The following TREML2 variants were observed in gnomAD, a reference collection of about 807,000 sequenced individuals.
TREML2 encodes the protein trem-like transcript 2 protein.
A neutral mutation model predicts 25.9 loss-of-function variants in TREML2; 24 were observed. That is an observed-to-expected ratio of 0.93 (90% confidence interval 0.67 to 1.30). The LOEUF (loss-of-function observed/expected upper bound fraction) is 1.30. Ranked by LOEUF, TREML2 falls within the 50% of genes most tolerant of loss-of-function variation. The probability of loss-of-function intolerance (pLI) is 0.00; values close to 1 mark genes in which losing one functional copy is unlikely to be tolerated. For missense variants in TREML2, 359 were observed against 395.6 expected, an observed-to-expected ratio of 0.91 and a Z score of 0.78; for synonymous variants, 139 against 155.2, an observed-to-expected ratio of 0.90 and a Z score of 0.77.
In TREML2 at chr6:41,198,810, AC is replaced by A. The variant is rs1766224701; in HGVS notation, c.56-382del. ...TATTTTCTAGTCTGATGGGAAAGTGACAAGCTCTGTCTTCAGGGATTCCCAG... is the reference window on the plus strand; with the variant it reads ...TATTTTCTAGTCTGATGGGAAAGTGAAAGCTCTGTCTTCAGGGATTCCCAG... On this transcript the variant is annotated intron_variant, in intron 1 of 4. Transcript: ENST00000483722. Among the ~76,000 whole-genome samples the A allele has an allele frequency of 3.3e-5, 5 of 152,306 alleles. 1 individual carries two copies. The South Asian group carries it at 8.3e-4, about 25-fold the overall frequency.
intron 1 of TREML2, among the ~76,000 whole-genome samples, chr6:41,199,407 C>T (rs1180188870): frequency 6.6e-6 from 1 of 152,216 alleles, no homozygotes; most frequent in Non-Finnish European, 1.5e-5. Flanking sequence ...ATTCTAGTTA[C>T]ATAAAACCCA....
chr6:41,198,447 A>T lies in TREML2; in HGVS notation c.56-18T>A. On this transcript the variant is annotated intron_variant, in intron 1 of 4. Coordinates refer to ENST00000483722, the MANE Select transcript of TREML2 (RefSeq NM_024807.4). ...AGAGGGGCCTGTGGAGACAATACTT[A>T]TTGAATAAGGTCTGGCAAGAGGAGA... 6.3e-7 allele frequency: 1 copy of T among 1,592,796 alleles called. No homozygotes were observed. Among genetic ancestry groups the T allele is most frequent in the Non-Finnish European group, 8.6e-7 (1 of 1,166,080 alleles).
At chr6:41,193,398 C>T (rs991104798) in intron 3 of TREML2, among the ~76,000 whole-genome samples, 2 of 152,132 alleles carry the variant, frequency 1.3e-5, no homozygotes, top group African/African-American at 4.8e-5. Context: ...CCACACACAG[C>T]AGGCAGCCCT....
At position 41,194,824 on chromosome 6, in the gene TREML2, G is replaced by C. The variant is rs61734887; in HGVS notation, c.386C>G (p.Thr129Ser). 64,593 of 1,560,786 alleles carry C rather than the reference G, an allele frequency of 0.041. 1,572 individuals carry two copies. Among genetic ancestry groups the C allele is most frequent in the South Asian group, 0.074 (6,149 of 83,430 alleles). ...ATGTGTGAAAGGAATGTTCCTCTCAGTTTGGGGAGCTGAAAGACAGAAAGG... is the reference window on the plus strand; with the variant it reads ...ATGTGTGAAAGGAATGTTCCTCTCACTTTGGGGAGCTGAAAGACAGAAAGG... ...FQLDVSPAPQ[T>S]ERNIPFTHLD... Residue 129 changes from threonine to serine, a missense_variant, in exon 3 of 5, where the codon ACT becomes AGT. Coordinates refer to ENST00000483722, the MANE Select transcript of TREML2 (RefSeq NM_024807.4).
At position 41,193,383 on chromosome 6, in the gene TREML2, C is replaced by G. The variant is rs190461397; in HGVS notation, c.786-482G>C. Among the ~76,000 whole-genome samples the G allele has an allele frequency of 1.1e-3, 161 of 152,252 alleles. 1 individual carries two copies. Among genetic ancestry groups the G allele is most frequent in the Middle Eastern group, 0.01 (3 of 294 alleles). On this transcript the variant is annotated intron_variant, in intron 3 of 4. Coordinates refer to ENST00000483722, the MANE Select transcript of TREML2 (RefSeq NM_024807.4). ...GCCTTTCTCTTGTCACTAGAGCCCTCTATGCCACACACAGCAGGCAGCCCT... is the reference window on the plus strand; with the variant it reads ...GCCTTTCTCTTGTCACTAGAGCCCTGTATGCCACACACAGCAGGCAGCCCT...
intron 2 of TREML2, among the ~76,000 whole-genome samples, chr6:41,197,214 G>A (rs866976840): frequency 5.3e-5 from 8 of 152,082 alleles, no homozygotes; most frequent in African/African-American, 1.2e-4. Flanking sequence ...CTCTCTACCC[G>A]TGTTCATACC....
intron 2 of TREML2, among the ~76,000 whole-genome samples, chr6:41,195,264 T>A (rs1766141577): frequency 6.6e-6 from 1 of 152,170 alleles, no homozygotes; most frequent in Non-Finnish European, 1.5e-5. Flanking sequence ...GGTCCTCAAA[T>A]TCCAAAGAAA....
At chr6:41,193,077 A>G (rs1186822633) in intron 3 of TREML2, among the ~76,000 whole-genome samples, 176 bp from the exon 4 acceptor site, 1 of 152,128 alleles carries the variant, frequency 6.6e-6, no homozygotes, top group Non-Finnish European at 1.5e-5. Context: ...AGTTAAGAGG[A>G]GGACGTCCCC....
At chr6:41,200,555 G>T (rs1766256050) in intron 1 of TREML2, among the ~76,000 whole-genome samples, 1 of 152,198 alleles carries the variant, frequency 6.6e-6, no homozygotes, top group South Asian at 2.1e-4. Flanking sequence ...ACAGGATGTG[G>T]CATCAGCATT....
intron 2 of TREML2, 28 bp from the exon 3 acceptor site, chr6:41,194,861 G>A: frequency 1.2e-5 from 18 of 1,538,734 alleles, no homozygotes; most frequent in Non-Finnish European, 1.5e-5. Context: ...AGGAACGTTA[G>A]ATTGACTTGG....
chr6:41,194,046 C>T (rs59727108), intron 3 of TREML2, among the ~76,000 whole-genome samples: 2,335 of 148,560 alleles, frequency 0.016, 66 homozygotes, highest in African/African-American at 0.054. Flanking sequence ...CCACCAACTC[C>T]GCTCCCCACT....
intron 1 of TREML2, among the ~76,000 whole-genome samples, chr6:41,200,269 G>A (rs932966632): frequency 6.6e-6 from 1 of 152,256 alleles, no homozygotes; most frequent in Admixed American, 6.5e-5. Context: ...CTGGCAGTGG[G>A]AAGCTGTTTC....
chr6:41,192,838 G>A lies in TREML2; in HGVS notation c.849C>T (p.Ile283=). Reference sequence around the variant, plus strand: ...TCTTCTTCCAAAACCCATAGACCATGATCAGCATCAGCACCAGGAGGGTCA... The same window carrying A: ...TCTTCTTCCAAAACCCATAGACCATAATCAGCATCAGCACCAGGAGGGTCA... The part of the protein sequence containing the change: ...VVLTLLVLML[I]MVYGFWKKRH... The change falls in exon 4 of 5, where the codon ATC becomes ATT. Residue 283 remains isoleucine, a synonymous_variant. Transcript: ENST00000483722. 1 of 1,612,048 alleles carries A rather than the reference G, an allele frequency of 6.2e-7. No homozygotes were observed. Among genetic ancestry groups the A allele is most frequent in the South Asian group, 1.1e-5 (1 of 90,728 alleles).
chr6:41,199,569 T>C (rs1766238642), intron 1 of TREML2, among the ~76,000 whole-genome samples: 1 of 152,180 alleles, frequency 6.6e-6, no homozygotes, highest in African/African-American at 2.4e-5. Flanking sequence ...CACAGTCTGG[T>C]AGAGACAGAG....
At chr6:41,195,827 G>T (rs1766150197) in intron 2 of TREML2, among the ~76,000 whole-genome samples, 1 of 152,184 alleles carries the variant, frequency 6.6e-6, no homozygotes, top group Non-Finnish European at 1.5e-5. Context: ...ACAACACTCA[G>T]TTAAGCCACA....
Position 41,199,244 on chromosome 6 carries a change from G to C in TREML2, c.56-815C>G, listed in dbSNP as rs562223433. Among the ~76,000 whole-genome samples the C allele has an allele frequency of 5.3e-5, 8 of 152,320 alleles. No individual in the cohort carries two copies. The East Asian group carries it at 5.8e-4, about 11-fold the overall frequency. ...AGACACAAACACAGGTCATTAAGTT[G>C]TGAAATTTCAGTGCCCAACTAACTA... On this transcript the variant is annotated intron_variant, in intron 1 of 4. Transcript: ENST00000483722.
rs1766024638 is a variant in TREML2 at position 41,190,107 on chromosome 6, A to G, written c.*2320T>C. Among the ~76,000 whole-genome samples the G allele has an allele frequency of 1.3e-5, 2 of 152,092 alleles. No homozygotes were observed. Among genetic ancestry groups the G allele is most frequent in the African/African-American group, 4.8e-5 (2 of 41,414 alleles). ...GGCAAGCCCCCCTGTGCAAGTTCCC[A>G]TATCTGTGCCTGCAGCTTGATTTTT... On this transcript the variant is annotated 3_prime_UTR_variant, in exon 5 of 5. Coordinates refer to ENST00000483722, the MANE Select transcript of TREML2 (RefSeq NM_024807.4).
At chr6:41,197,567 G>A (rs1766190461) in intron 2 of TREML2, among the ~76,000 whole-genome samples, 3 of 152,134 alleles carry the variant, frequency 2.0e-5, no homozygotes, top group East Asian at 3.8e-4. Context: ...CTGACCCCCA[G>A]TACTTCAGTA....
At chr6:41,196,654 C>A (rs987146717) in intron 2 of TREML2, among the ~76,000 whole-genome samples, 1 of 152,180 alleles carries the variant, frequency 6.6e-6, no homozygotes, top group African/African-American at 2.4e-5. Flanking sequence ...ACACCTTCAT[C>A]ATCTCCAAAA....
Sources: allele counts gnomAD v4.1 joint callset (sites outside exome capture counted in the v4.1 genomes callset), GRCh38; gene constraint gnomAD v4.1.1; transcripts MANE v1.5; gene names NCBI Gene and HGNC (gene_info 2026-07-23, HGNC 2026-07-21).